KCNV1: variants seen among roughly 807,000 people sequenced by gnomAD.
The protein encoded by KCNV1 is potassium voltage-gated channel modifier subfamily V member 1.
Under a neutral mutation model 36.4 loss-of-function variants are expected in KCNV1, and 2 were observed. That is an observed-to-expected ratio of 0.05 (90% CI 0.02 to 0.17). The LOEUF is 0.17. Among genes scored for constraint, KCNV1 ranks in the 10% least tolerant of loss-of-function variants. The pLI is 1.00. For synonymous variants in KCNV1, 280 were observed against 261.1 expected, an observed-to-expected ratio of 1.07 and a Z score of -0.70; for missense variants, 321 against 643.6, an observed-to-expected ratio of 0.50 and a Z score of 5.42.
chr8:109,969,461 A>G (rs1178465139), intron 3 of KCNV1, among the ~76,000 whole-genome samples: 1 of 152,168 alleles, frequency 6.6e-6, no homozygotes, highest in Non-Finnish European at 1.5e-5. Flanking sequence ...CTGCTTTTCC[A>G]TTCCTAGATC....
chr8:109,972,529 C>G lies in KCNV1; in HGVS notation c.720G>C (p.Gln240His). Residue 240 changes from glutamine (Q) to histidine (H), a missense_variant, in exon 3 of 4, where the codon CAG becomes CAC. Gln to His is a conservative substitution (Grantham distance 24). Coordinates refer to ENST00000524391, the MANE Select transcript of KCNV1 (RefSeq NM_014379.4). This position sits in a 1 kb window ranked among gnomAD's most constrained non-coding sequence, Gnocchi z 5.2. ...ACACATACTCCAGGATTTCCAGCAG[C>G]TGCAGGTCCAGCCAGCTTAACTCAG... is the stretch of plus-strand genomic sequence containing the variant. ...MSAELSWLDL[Q>H]LLEILEYVCI... 1 of 1,614,222 alleles carries G rather than the reference C, an allele frequency of 6.2e-7. No individual in the cohort carries two copies. The highest frequency in any genetic ancestry group is 8.5e-7 in the Non-Finnish European group (1 of 1,180,034).
Position 109,974,155 on chromosome 8 carries a change from G to T in KCNV1, c.234C>A (p.Pro78=). Residue 78 remains proline, a synonymous_variant, in exon 2 of 4, where the codon CCC becomes CCA. Transcript: ENST00000524391. The surrounding 1 kb of genome is among the most constrained non-coding windows in gnomAD (Gnocchi z 6.2). ...LAVVVASYRR[P]GALAAVPSPL... ...GGCTGGGCACGGCGGCCAGGGCCCC[G>T]GGGCGGCGGTAGGAAGCCACCACCA... 6.2e-7 allele frequency: 1 copy of T among 1,605,052 alleles called. No individual in the cohort carries two copies. The highest frequency in any genetic ancestry group is 1.1e-5 in the South Asian group (1 of 89,804).
rs1474371153 is a variant in KCNV1, at chr8:109,966,369, A to T, written c.*1719T>A. The T allele has an allele frequency of 6.7e-6, 1 of 150,076 alleles. No homozygotes were observed. The highest frequency in any genetic ancestry group is 6.6e-5 in the Admixed American group (1 of 15,220). The allele number at this position is 150,076 out of a possible 1,614,324, so 9.3% of individuals were successfully genotyped here. A position where few individuals can be genotyped will look rare whatever the true frequency, so the allele number is the denominator to read the frequency against. On this transcript the variant is annotated 3_prime_UTR_variant, in exon 4 of 4. Transcript: ENST00000524391. ...CATGTATGTGTGTAAGAAGTAAAATATTTATCTTACTAATATTCATATCTC... is the reference window on the plus strand; with the variant it reads ...CATGTATGTGTGTAAGAAGTAAAATTTTTATCTTACTAATATTCATATCTC...
Position 109,967,924 on chromosome 8 carries a change from A to G in KCNV1, c.*164T>C. On this transcript the variant is annotated 3_prime_UTR_variant, in exon 4 of 4. Transcript: ENST00000524391. ...TGTCAGAACACTGTGCAGTTGTTAT[A>G]GGTGATGTGAAATATTCTAGTAGAT... 1 of 668,654 alleles carries G rather than the reference A, an allele frequency of 1.5e-6. No individual in the cohort carries two copies. Among genetic ancestry groups the G allele is most frequent in the Non-Finnish European group, 2.5e-6 (1 of 402,718 alleles). The allele number at this position is 668,654 out of a possible 1,614,324, so 41.4% of individuals were successfully genotyped here. A position where few individuals can be genotyped will look rare whatever the true frequency, so the allele number is the denominator to read the frequency against.
In KCNV1 at chr8:109,967,366, T is replaced by A. The variant is rs974641253; in HGVS notation, c.*722A>T. 1 of 152,202 alleles carries A rather than the reference T, an allele frequency of 6.6e-6. No homozygotes were observed. The highest frequency in any genetic ancestry group is 2.4e-5 in the African/African-American group (1 of 41,458). The allele number at this position is 152,202 out of a possible 1,614,324, so 9.4% of individuals were successfully genotyped here. A position where few individuals can be genotyped will look rare whatever the true frequency, so the allele number is the denominator to read the frequency against. On this transcript the variant is annotated 3_prime_UTR_variant, in exon 4 of 4. Transcript: ENST00000524391. ...TCATGAAATACTAAGAAATATGCTG[T>A]TTTATGCTCCACATACTACACTCAG...
intron 2 of KCNV1, among the ~76,000 whole-genome samples, chr8:109,973,228 C>T (rs1180445943): frequency 6.6e-5 from 10 of 152,150 alleles, no homozygotes; most frequent in African/African-American, 2.2e-4. Context: ...GTGATCCACC[C>T]GCCTCGGCCT....
intron 1 of KCNV1, 67 bp from the exon 2 acceptor site, chr8:109,975,259 AG>A (rs1421855003): frequency 2.6e-5 from 4 of 152,228 alleles, no homozygotes; most frequent in African/African-American, 9.7e-5. Context: ...ACTAAGAACT[AG>A]GAGTGTCACT....
rs1213367641 is a variant in KCNV1 at position 109,965,671 on chromosome 8, A to G, written c.*2417T>C. On this transcript the variant is annotated 3_prime_UTR_variant, in exon 4 of 4. Transcript: ENST00000524391. Reference sequence around the variant, plus strand: ...TTACTCTAAAGATAATATATTTTTAATCTAATAATGACTATAAGGTGTCAC... The same window carrying G: ...TTACTCTAAAGATAATATATTTTTAGTCTAATAATGACTATAAGGTGTCAC... The G allele has an allele frequency of 7.2e-5, 11 of 152,178 alleles. No homozygotes were observed. The highest frequency in any genetic ancestry group is 2.7e-4 in the African/African-American group (11 of 41,446). 9.4% of individuals were successfully genotyped at this position (152,178 alleles called of 1,614,324 possible).
In KCNV1 at chr8:109,970,480, C is replaced by A. The variant is rs191740278; in HGVS notation, c.991+1778G>T. Among the ~76,000 whole-genome samples, 53 of 151,856 alleles carry A rather than the reference C, an allele frequency of 3.5e-4. 1 individual carries two copies. Among genetic ancestry groups the A allele is most frequent in the South Asian group, 1.5e-3 (7 of 4,808 alleles). Reference sequence around the variant, plus strand: ...GGTAATTGTTATGCCATTATACAGACGAGGAGGCTGAGGCATAAAGAGATA... The same window carrying A: ...GGTAATTGTTATGCCATTATACAGAAGAGGAGGCTGAGGCATAAAGAGATA... On this transcript the variant is annotated intron_variant, in intron 3 of 3. Coordinates refer to ENST00000524391, the MANE Select transcript of KCNV1 (RefSeq NM_014379.4).
chr8:109,972,806 T>C lies in KCNV1; in HGVS notation c.462-19A>G. ...GAAGTATCTTTTAGAGAAAACAATT[T>C]GGTGATTAGTCTAACTTTATTAAAA... is the stretch of plus-strand genomic sequence containing the variant. On this transcript the variant is annotated intron_variant, in intron 2 of 3. Transcript: ENST00000524391. This position sits in a 1 kb window ranked among gnomAD's most constrained non-coding sequence, Gnocchi z 5.2. 6.5e-7 allele frequency: 1 copy of C among 1,548,450 alleles called. No homozygotes were observed. Among genetic ancestry groups the C allele is most frequent in the Non-Finnish European group, 8.7e-7 (1 of 1,149,790 alleles).
chr8:109,974,159 C>A lies in KCNV1; in HGVS notation c.230G>T (p.Arg77Leu). 1 of 1,603,418 alleles carries A rather than the reference C, an allele frequency of 6.2e-7. No homozygotes were observed. The highest frequency in any genetic ancestry group is 8.5e-7 in the Non-Finnish European group (1 of 1,175,652). ...KLAVVVASYR[R>L]PGALAAVPSP... ...GGGCACGGCGGCCAGGGCCCCGGGG[C>A]GGCGGTAGGAAGCCACCACCACGGC... The change falls in exon 2 of 4, where the codon CGC becomes CTC. Residue 77 changes from arginine (R) to leucine (L), a missense_variant. Around this residue, in one of 5 missense-constraint regions of KCNV1, gnomAD observed 60 missense variants for 160.5 expected, o/e 0.37. Transcript: ENST00000524391. This position sits in a 1 kb window ranked among gnomAD's most constrained non-coding sequence, Gnocchi z 6.2.
Position 109,965,289 on chromosome 8 carries a change from A to C in KCNV1, c.*2799T>G, listed in dbSNP as rs558811346. On this transcript the variant is annotated 3_prime_UTR_variant, in exon 4 of 4. Transcript: ENST00000524391. Reference sequence around the variant, plus strand: ...AAAGACAATAATTCAATTATTTTATATTTTAAAAAATTAAATATTGTTTTA... The same window carrying C: ...AAAGACAATAATTCAATTATTTTATCTTTTAAAAAATTAAATATTGTTTTA... 1.3e-5 allele frequency: 2 copies of C among 152,354 alleles called. No homozygotes were observed. The highest frequency in any genetic ancestry group is 4.8e-5 in the African/African-American group (2 of 41,596). The allele number at this position is 152,354 out of a possible 1,614,324, so 9.4% of individuals were successfully genotyped here. A position where few individuals can be genotyped will look rare whatever the true frequency, so the allele number is the denominator to read the frequency against.
rs1819974231 is a variant in KCNV1 at position 109,968,777 on chromosome 8, G to A, written c.992-178C>T. Among the ~76,000 whole-genome samples, 1 of 152,116 alleles carries A rather than the reference G, an allele frequency of 6.6e-6. No individual in the cohort carries two copies. Among genetic ancestry groups the A allele is most frequent in the South Asian group, 2.1e-4 (1 of 4,826 alleles). On this transcript the variant is annotated intron_variant, in intron 3 of 3. Coordinates refer to ENST00000524391, the MANE Select transcript of KCNV1 (RefSeq NM_014379.4). The surrounding 1 kb of genome is among the most constrained non-coding windows in gnomAD (Gnocchi z 5.3). ...GATTAAATCATAATCCTTGTGCCAG[G>A]AAGTTCACAGTCTAGTTGATGGGGC...
intron 3 of KCNV1, among the ~76,000 whole-genome samples, chr8:109,969,689 A>G (rs891961598): frequency 3.3e-5 from 5 of 152,172 alleles, no homozygotes; most frequent in Admixed American, 1.3e-4. Flanking sequence ...TACTAAAAAT[A>G]GCAAAATCAG....
At position 109,974,140 on chromosome 8, in the gene KCNV1, G is replaced by A. The variant is rs1399773757; in HGVS notation, c.249C>T (p.Ala83=). The A allele has an allele frequency of 2.5e-6, 4 of 1,609,444 alleles. No homozygotes were observed. Among genetic ancestry groups the A allele is most frequent in the East Asian group, 2.2e-5 (1 of 44,738 alleles). Residue 83 remains alanine (A), a synonymous_variant, in exon 2 of 4, where the codon GCC becomes GCT. Transcript: ENST00000524391. This position sits in a 1 kb window ranked among gnomAD's most constrained non-coding sequence, Gnocchi z 6.2. Reference sequence around the variant, plus strand: ...CGCAAAGCTCCAGAGGGCTGGGCACGGCGGCCAGGGCCCCGGGGCGGCGGT... The same window carrying A: ...CGCAAAGCTCCAGAGGGCTGGGCACAGCGGCCAGGGCCCCGGGGCGGCGGT... ...ASYRRPGALA[A]VPSPLELCDD...
Position 109,968,495 on chromosome 8 carries a change from A to G in KCNV1, c.1096T>C (p.Phe366Leu). 6.2e-7 allele frequency: 1 copy of G among 1,613,628 alleles called. No individual in the cohort carries two copies. The highest frequency in any genetic ancestry group is 8.5e-7 in the Non-Finnish European group (1 of 1,179,564). The change falls in exon 4 of 4, where the codon TTT becomes CTT. Residue 366 changes from phenylalanine (F) to leucine (L), a missense_variant. Physicochemically the swap from Phe to Leu is conservative, Grantham distance 22 (BLOSUM62 0). Coordinates refer to ENST00000524391, the MANE Select transcript of KCNV1 (RefSeq NM_014379.4). This position sits in a 1 kb window ranked among gnomAD's most constrained non-coding sequence, Gnocchi z 5.3. ...GTGTCAGGAATGCTTTGCTCAGCAA[A>G]GTATTCTACAGTTGAAAATATAGAG... ...GISIFSTVEY[F>L]AEQSIPDTTF...
chr8:109,969,912 A>G (rs553225247), intron 3 of KCNV1, among the ~76,000 whole-genome samples: 3 of 152,128 alleles, frequency 2.0e-5, no homozygotes, highest in East Asian at 1.9e-4. Context: ...TGAATGAACC[A>G]TAAGATTTAT....
intron 3 of KCNV1, among the ~76,000 whole-genome samples, chr8:109,971,632 A>G (rs536257316): frequency 1.3e-5 from 2 of 152,056 alleles, no homozygotes; most frequent in Non-Finnish European, 2.9e-5. Flanking sequence ...TCTCTCATAC[A>G]TCCCAGGTTA....
Position 109,972,856 on chromosome 8 carries a change from A to G in KCNV1, c.462-69T>C, listed in dbSNP as rs1820028598. The G allele has an allele frequency of 7.8e-7, 1 of 1,275,880 alleles. No homozygotes were observed. Among genetic ancestry groups the G allele is most frequent in the Non-Finnish European group, 1.1e-6 (1 of 929,762 alleles). 79.0% of individuals were successfully genotyped at this position (1,275,880 alleles called of 1,614,324 possible). A position where few individuals can be genotyped will look rare whatever the true frequency, so the allele number is the denominator to read the frequency against. On this transcript the variant is annotated intron_variant, in intron 2 of 3. Coordinates refer to ENST00000524391, the MANE Select transcript of KCNV1 (RefSeq NM_014379.4). The surrounding 1 kb of genome is among the most constrained non-coding windows in gnomAD (Gnocchi z 5.2). ...ATACAGAAGTATAAGATAATTAAAC[A>G]TGGCAGGGAGGTCAGACTTTTTCAT...
Sources: gnomAD v4.1 joint callset for allele counts (sites outside exome capture counted in the v4.1 genomes callset) on GRCh38, gnomAD v4.1.1 for gene constraint, gnomAD v4.1.1 regional missense constraint, Gnocchi (gnomAD v3.1) non-coding constraint, MANE v1.5 for transcripts, NCBI Gene and HGNC (gene_info 2026-07-23, HGNC 2026-07-21) for gene names.